EXT1: variants seen among roughly 807,000 people sequenced by gnomAD.
EXT1 encodes exostosin glycosyltransferase 1.
A neutral mutation model predicts 82.5 loss-of-function variants in EXT1; 20 were observed. The ratio of observed to expected loss-of-function variants is 0.24; its 90% CI spans 0.17 to 0.35. The LOEUF (loss-of-function observed/expected upper bound fraction) is 0.35. EXT1 is among the 10% of genes least tolerant of loss of function. The pLI, the probability that EXT1 is intolerant of heterozygous loss-of-function variation, is 1.00. For missense variants in EXT1, 757 were observed against 936.5 expected (o/e 0.81, Z 2.50); for synonymous variants, 348 against 350.8 (o/e 0.99, Z 0.09).
rs528468926 is a variant in EXT1, at chr8:117,848,669, G to A, written c.963-11468C>T. On this transcript the variant is annotated intron_variant, in intron 1 of 10. Transcript: ENST00000378204. The stretch of plus-strand genomic sequence containing the variant: ...ATGAAGCAAGAGTACTCCAGGAGCT[G>A]CCCATTCATGGATTTTGCAATTCAG... Among the ~76,000 whole-genome samples, 12 of 152,270 alleles carry A rather than the reference G, an allele frequency of 7.9e-5. No homozygotes were observed. The East Asian group carries it at 2.1e-3, about 27-fold the overall frequency.
At chr8:117,860,084 T>C (rs1254858529) in intron 1 of EXT1, among the ~76,000 whole-genome samples, 13 of 140,526 alleles carry the variant, frequency 9.3e-5, no homozygotes, top group Middle Eastern at 4.2e-3. Flanking sequence ...GAGGCGGAGG[T>C]TGCAGTGAGC....
intron 1 of EXT1, among the ~76,000 whole-genome samples, chr8:117,905,912 A>C (rs1813535972): frequency 6.6e-6 from 1 of 152,200 alleles, no homozygotes; most frequent in South Asian, 2.1e-4. Context: ...GACCATGAAA[A>C]AAATCCATCA....
intron 1 of EXT1, among the ~76,000 whole-genome samples, chr8:118,081,165 C>A (rs145553935): frequency 2.0e-5 from 3 of 152,212 alleles, no homozygotes; most frequent in South Asian, 2.1e-4. Context: ...TTAAATGACA[C>A]GCAAAAGGAT....
intron 10 of EXT1, among the ~76,000 whole-genome samples, chr8:117,800,374 T>C (rs12549348): frequency 0.17 from 25,513 of 152,198 alleles, 2,321 homozygotes; most frequent in East Asian, 0.29. Flanking sequence ...TCCTTCCTTC[T>C]ACTATCTCTT....
Position 118,110,548 on chromosome 8 carries a change from A to G in EXT1, c.499T>C (p.Ser167Pro), listed in dbSNP as rs1227559201. 1 of 1,614,186 alleles carries G rather than the reference A, an allele frequency of 6.2e-7. No individual in the cohort carries two copies. The highest frequency in any genetic ancestry group is 8.5e-7 in the Non-Finnish European group (1 of 1,180,038). Residue 167 changes from serine (S) to proline (P), a missense_variant, in exon 1 of 11, where the codon TCA becomes CCA. Coordinates refer to ENST00000378204, the MANE Select transcript of EXT1 (RefSeq NM_000127.3). ...SLDTLDRDQL[S>P]PQYVHNLRSK... ...CTCAAATTGTGCACATACTGAGGTG[A>G]CAACTGGTCTCTGTCTAAAGTATCC... is the stretch of plus-strand genomic sequence containing the variant.
chr8:117,923,016 A>AAAGTCATTTAAC (rs6150777), intron 1 of EXT1, among the ~76,000 whole-genome samples: 115,117 of 151,704 alleles, frequency 0.76, 44,656 homozygotes, highest in African/African-American at 0.9. Flanking sequence ...TGATTTAGCA[A>AAAGTCATTTAAC]AAGTCATTTA....
chr8:118,081,966 T>C (rs1191195600), intron 1 of EXT1, among the ~76,000 whole-genome samples: 2 of 152,196 alleles, frequency 1.3e-5, no homozygotes, highest in Non-Finnish European at 2.9e-5. Flanking sequence ...TATGAAAATA[T>C]GGCATTTAAC....
intron 1 of EXT1, among the ~76,000 whole-genome samples, chr8:117,905,331 C>T (rs1350796919): frequency 6.6e-6 from 1 of 152,192 alleles, no homozygotes; most frequent in Non-Finnish European, 1.5e-5. Flanking sequence ...TATTCCCTTC[C>T]CCATTCCTAC....
chr8:118,075,603 T>C (rs569391797), intron 1 of EXT1, among the ~76,000 whole-genome samples: 1 of 152,324 alleles, frequency 6.6e-6, no homozygotes, highest in South Asian at 2.1e-4. Flanking sequence ...TGTTAGGCCA[T>C]TCTTGCGTTG....
chr8:118,023,604 A>T (rs1356742927), intron 1 of EXT1, among the ~76,000 whole-genome samples: 2 of 152,230 alleles, frequency 1.3e-5, no homozygotes, highest in Non-Finnish European at 2.9e-5. Flanking sequence ...AAAATAAATG[A>T]GGACCACGTC....
chr8:117,881,173 A>T lies in EXT1; in HGVS notation c.963-43972T>A, dbSNP rs543448031. On this transcript the variant is annotated intron_variant, in intron 1 of 10. Coordinates refer to ENST00000378204, the MANE Select transcript of EXT1 (RefSeq NM_000127.3). ...CTGTTTTCATAAATCAAGATTTTTTAAAAAACGCAGCTTGAACTTGTTTTA... is the reference window on the plus strand; with the variant it reads ...CTGTTTTCATAAATCAAGATTTTTTTAAAAACGCAGCTTGAACTTGTTTTA... Among the ~76,000 whole-genome samples, 24 of 152,270 alleles carry T rather than the reference A, an allele frequency of 1.6e-4. No homozygotes were observed. The South Asian group carries it at 3.1e-3, about 20-fold the overall frequency.
intron 1 of EXT1, among the ~76,000 whole-genome samples, chr8:117,958,621 TA>T (rs761700959): frequency 2.0e-5 from 3 of 152,170 alleles, no homozygotes; most frequent in African/African-American, 4.8e-5. Flanking sequence ...CTTTCCAAAT[TA>T]AAGCAATGAT....
intron 1 of EXT1, among the ~76,000 whole-genome samples, chr8:118,015,307 T>TA (rs1415977406): frequency 6.6e-6 from 1 of 152,052 alleles, no homozygotes; most frequent in Non-Finnish European, 1.5e-5. Flanking sequence ...AGAGAGGGGG[T>TA]AATGTTTAAC....
intron 1 of EXT1, among the ~76,000 whole-genome samples, chr8:117,854,017 C>T (rs1471596464): frequency 6.6e-6 from 1 of 152,264 alleles, no homozygotes; most frequent in African/African-American, 2.4e-5. Context: ...CGCCCAGGAG[C>T]GCTGGCCTCA....
At chr8:118,056,874 T>C (rs1220533285) in intron 1 of EXT1, among the ~76,000 whole-genome samples, 3 of 152,242 alleles carry the variant, frequency 2.0e-5, no homozygotes, top group Non-Finnish European at 4.4e-5. Context: ...TTGGAAAGCA[T>C]AGCTTAAGAG....
At position 117,855,966 on chromosome 8, in the gene EXT1, G is replaced by A. The variant is rs184025737; in HGVS notation, c.963-18765C>T. Among the ~76,000 whole-genome samples, 240 of 152,270 alleles carry A rather than the reference G, an allele frequency of 1.6e-3. 2 individuals carry two copies. The highest frequency in any genetic ancestry group is 1.7e-3 in the Non-Finnish European group (113 of 68,016). ...ATTACAGGCGTAAGCCACCATGCCC[G>A]GCCGCATCTCTCTTTAAATCCAAGG... is the stretch of plus-strand genomic sequence containing the variant. On this transcript the variant is annotated intron_variant, in intron 1 of 10. Transcript: ENST00000378204.
At chr8:118,085,935 G>A (rs1039252294) in intron 1 of EXT1, among the ~76,000 whole-genome samples, 1 of 152,062 alleles carries the variant, frequency 6.6e-6, no homozygotes, top group Non-Finnish European at 1.5e-5. Flanking sequence ...TGTAAATAAG[G>A]AAAGCTATTA....
chr8:118,005,309 T>C lies in EXT1; in HGVS notation c.962+104776A>G, dbSNP rs375503485. On this transcript the variant is annotated intron_variant, in intron 1 of 10. Transcript: ENST00000378204. ...GTGCTCAGCCCAAAGGGTACACATA[T>C]ACAACTTCCATGCCTAGGTTCCCAC... 2.2e-3 allele frequency among the ~76,000 whole-genome samples: 341 copies of C among 152,278 alleles called. 1 individual carries two copies. Among genetic ancestry groups the C allele is most frequent in the African/African-American group, 7.6e-3 (316 of 41,556 alleles).
rs1226048368 is a variant in EXT1 at position 118,111,034 on chromosome 8, T to G, written c.13A>C (p.Lys5Gln). 6.3e-7 allele frequency: 1 copy of G among 1,597,414 alleles called. No homozygotes were observed. The highest frequency in any genetic ancestry group is 2.2e-5 in the East Asian group (1 of 44,742). The change falls in exon 1 of 11, where the codon AAA becomes CAA. Residue 5 changes from lysine (K) to glutamine (Q), a missense_variant. By Grantham distance (53) the Lys-to-Gln change is moderately conservative. Transcript: ENST00000378204. Reference sequence around the variant, plus strand: ...GCTGAGAGCAGGATGAAATAGCGTTTTTTGGCCTGCATGTGTCCTGCCTGG... The same window carrying G: ...GCTGAGAGCAGGATGAAATAGCGTTGTTTGGCCTGCATGTGTCCTGCCTGG... MQAK[K>Q]RYFILLSAGS...
Sources: allele counts gnomAD v4.1 joint callset (sites outside exome capture counted in the v4.1 genomes callset), GRCh38; gene constraint gnomAD v4.1.1; transcripts MANE v1.5; gene names NCBI Gene and HGNC (gene_info 2026-07-23, HGNC 2026-07-21).